The following DHX40 variants were observed in gnomAD, a reference collection of about 807,000 sequenced individuals.
The protein encoded by DHX40 is probable ATP-dependent RNA helicase DHX40.
DHX40 carries 28 observed loss-of-function variants against 89.6 expected under a neutral mutation model. The observed-to-expected ratio is 0.31, with a 90% CI of 0.23 to 0.43. The LOEUF (loss-of-function observed/expected upper bound fraction) is 0.43, where lower values mean the gene tolerates loss of function less well. Among genes scored for constraint, DHX40 ranks in the 20% least tolerant of loss-of-function variants. The pLI, the probability that DHX40 is intolerant of heterozygous loss-of-function variation, is 1.00. For synonymous variants in DHX40, 226 were observed against 283.6 expected, an observed-to-expected ratio of 0.80 and a Z score of 2.04; for missense variants, 457 against 844.0, an observed-to-expected ratio of 0.54 and a Z score of 5.68.
At chr17:59,605,832 G>GT (rs2030811389) in intron 17 of DHX40, 158 bp downstream of exon 17, 1 of 740,534 alleles carries the variant, frequency 1.4e-6, no homozygotes, top group Non-Finnish European at 2.3e-6. Flanking sequence ...AGGCATGTTG[G>GT]TGTGCACCTG....
At chr17:59,576,936 C>A in intron 7 of DHX40, 2 of 303,738 alleles carry the variant, frequency 6.6e-6, no homozygotes, top group South Asian at 5.7e-5. Flanking sequence ...GTGGCGCGAT[C>A]TTGGCTCACT....
At chr17:59,592,344 A>G (rs906714523) in intron 12 of DHX40, among the ~76,000 whole-genome samples, 1 of 151,316 alleles carries the variant, frequency 6.6e-6, no homozygotes, top group Admixed American at 6.6e-5. Context: ...AGTTAATTTT[A>G]GGTAAAATTT....
At chr17:59,568,141 T>G (rs180881119) in intron 2 of DHX40, among the ~76,000 whole-genome samples, 77 of 152,188 alleles carry the variant, frequency 5.1e-4, no homozygotes, top group African/African-American at 1.8e-3. Context: ...GGCGGGAGAA[T>G]CACTTGAACC....
chr17:59,576,384 A>G (rs1351785687), intron 7 of DHX40, among the ~76,000 whole-genome samples: 2 of 151,716 alleles, frequency 1.3e-5, no homozygotes, highest in East Asian at 3.8e-4. Flanking sequence ...TTTAACTTGT[A>G]AAGTTAAAGG....
intron 4 of DHX40, 71 bp downstream of exon 4, chr17:59,573,306 A>G: frequency 1.5e-6 from 2 of 1,321,804 alleles, no homozygotes; most frequent in Non-Finnish European, 2.1e-6. Context: ...TATTGTGTAG[A>G]GAATTGCCTC....
intron 12 of DHX40, among the ~76,000 whole-genome samples, chr17:59,590,999 C>G (rs1192186563): frequency 6.6e-6 from 1 of 150,408 alleles, no homozygotes; most frequent in Non-Finnish European, 1.5e-5. Flanking sequence ...ATAGCAAGAC[C>G]CCATCTCTGA....
At chr17:59,594,760 G>T (rs1174848476) in intron 12 of DHX40, among the ~76,000 whole-genome samples, 1 of 152,044 alleles carries the variant, frequency 6.6e-6, no homozygotes, top group Non-Finnish European at 1.5e-5. Flanking sequence ...TCCCTACCGA[G>T]TAGCATTTAG....
chr17:59,570,135 A>C (rs2048776486), intron 2 of DHX40, among the ~76,000 whole-genome samples: 1 of 130,014 alleles, frequency 7.7e-6, no homozygotes, highest in Admixed American at 9.3e-5. Context: ...TTTATATATA[A>C]TATATTATAA....
intron 8 of DHX40, among the ~76,000 whole-genome samples, chr17:59,577,831 C>G (rs2048906607): frequency 6.6e-6 from 1 of 151,926 alleles, no homozygotes; most frequent in African/African-American, 2.4e-5. Context: ...ATGGGTTTCA[C>G]TAAATAGGAA....
chr17:59,608,149 C>T lies in DHX40; in HGVS notation c.*977C>T, dbSNP rs929463901. ...TATCACACTCAGGCCACACTCAGCA[C>T]TTGCCCACTCTTGTTTACTGCCTTG... On this transcript the variant is annotated 3_prime_UTR_variant, in exon 18 of 18. Coordinates refer to ENST00000251241, the MANE Select transcript of DHX40 (RefSeq NM_024612.5). The T allele has an allele frequency of 3.2e-5, 5 of 154,744 alleles. No individual in the cohort carries two copies. Among genetic ancestry groups the T allele is most frequent in the Admixed American group, 2.6e-4 (4 of 15,288 alleles). 9.6% of individuals were successfully genotyped at this position (154,744 alleles called of 1,614,324 possible). A position where few individuals can be genotyped will look rare whatever the true frequency, so the allele number is the denominator to read the frequency against.
chr17:59,570,237 TAATATATATAATATATA>T (rs1224728896), intron 2 of DHX40, among the ~76,000 whole-genome samples: 3 of 127,780 alleles, frequency 2.3e-5, no homozygotes, highest in South Asian at 2.2e-4. Context: ...TATTAGTATA[TAATATATATAATATATA>T]AATATATATA....
chr17:59,570,177 A>AAT (rs1201822620), intron 2 of DHX40, among the ~76,000 whole-genome samples: 4 of 124,010 alleles, frequency 3.2e-5, no homozygotes, highest in East Asian at 2.0e-4. Flanking sequence ...GTTATATATT[A>AAT]ATATATATAA....
At chr17:59,567,997 G>A (rs189742340) in intron 2 of DHX40, among the ~76,000 whole-genome samples, 2 of 152,174 alleles carry the variant, frequency 1.3e-5, no homozygotes, top group Admixed American at 1.3e-4. Context: ...CACTTTGGGA[G>A]GCCAGGGCAG....
chr17:59,586,880 G>A (rs368382972), intron 11 of DHX40, among the ~76,000 whole-genome samples: 1 of 152,186 alleles, frequency 6.6e-6, no homozygotes, highest in South Asian at 2.1e-4. Flanking sequence ...TTGGATGTGC[G>A]TGGTGGCTCA....
At position 59,605,892 on chromosome 17, in the gene DHX40, G is replaced by C. The variant is rs2030815929; in HGVS notation, c.2200+218G>C. The C allele has an allele frequency of 4.2e-5, 25 of 602,032 alleles. No homozygotes were observed. The South Asian group carries it at 4.2e-4, about 10-fold the overall frequency. The allele number at this position is 602,032 out of a possible 1,614,324, so 37.3% of individuals were successfully genotyped here. ...ATGCAGGAGGATCGCTTGAACCCAG[G>C]AGTTTGAGGCTGCAGTGAACTGTGA... On this transcript the variant is annotated intron_variant, in intron 17 of 17. Coordinates refer to ENST00000251241, the MANE Select transcript of DHX40 (RefSeq NM_024612.5).
At chr17:59,585,429 G>C (rs1204179200) in intron 10 of DHX40, among the ~76,000 whole-genome samples, 1 of 147,608 alleles carries the variant, frequency 6.8e-6, no homozygotes, top group Non-Finnish European at 1.5e-5. Context: ...TTGTATTTAA[G>C]AAGCATTTTG....
intron 14 of DHX40, among the ~76,000 whole-genome samples, chr17:59,600,544 A>G (rs2030435840): frequency 6.6e-6 from 1 of 152,064 alleles, no homozygotes; most frequent in African/African-American, 2.4e-5. Flanking sequence ...TGGTAAAATA[A>G]TTAATATAAA....
intron 2 of DHX40, among the ~76,000 whole-genome samples, chr17:59,569,562 T>G (rs2048758624): frequency 6.7e-6 from 1 of 149,508 alleles, no homozygotes; most frequent in African/African-American, 2.4e-5. Flanking sequence ...GGCAAGCGCC[T>G]GTAATCCCAG....
chr17:59,571,809 G>A (rs1411993064), intron 3 of DHX40, among the ~76,000 whole-genome samples: 2 of 152,072 alleles, frequency 1.3e-5, no homozygotes, highest in South Asian at 4.2e-4. Flanking sequence ...CTGACCTTGT[G>A]ATCTGCCCAC....
Sources: allele counts gnomAD v4.1 joint callset (sites outside exome capture counted in the v4.1 genomes callset), GRCh38; gene constraint gnomAD v4.1.1; transcripts MANE v1.5; gene names NCBI Gene and HGNC (gene_info 2026-07-23, HGNC 2026-07-21).